Variants in RBFOX1 observed in about 807,000 individuals in gnomAD.
The protein encoded by RBFOX1 is RNA binding protein fox-1 homolog 1.
RBFOX1 carries 8 observed loss-of-function variants against 57.7 expected under a neutral mutation model. That is an observed-to-expected ratio of 0.14 (90% CI 0.08 to 0.25). The LOEUF is 0.25. Ranked by LOEUF, RBFOX1 falls within the 10% of genes least tolerant of loss-of-function variation. RBFOX1 has a pLI of 1.00. For synonymous variants in RBFOX1, 326 were observed against 222.4 expected (o/e 1.47, Z -4.15); for missense variants, 611 against 548.5 (o/e 1.11, Z -1.14).
chr16:7,257,445 TAGC>T (rs1446264050), intron 4 of RBFOX1, among the ~76,000 whole-genome samples: 7 of 152,082 alleles, frequency 4.6e-5, no homozygotes, highest in African/African-American at 1.2e-4. Flanking sequence ...CAAACTGAAA[TAGC>T]AGCCACTGGG....
At chr16:6,883,421 G>A (rs1363333227) in intron 3 of RBFOX1, among the ~76,000 whole-genome samples, 1 of 152,160 alleles carries the variant, frequency 6.6e-6, no homozygotes, top group Non-Finnish European at 1.5e-5. Context: ...CTTAATTAAT[G>A]TGTTGGTTCA....
intron 4 of RBFOX1, among the ~76,000 whole-genome samples, chr16:7,490,611 A>G (rs1217501485): frequency 6.6e-6 from 1 of 152,240 alleles, no homozygotes; most frequent in African/African-American, 2.4e-5. Flanking sequence ...AACTTGGGTT[A>G]GCAAATTCTA....
rs140101943 is a variant in RBFOX1 at position 6,510,044 on chromosome 16, C to G, written c.-63-144559C>G. ...GTGTCTGTTCCTGTGATTGAAGCAG[C>G]TTCATATCAGGCTCCTGTCTTCCTA... On this transcript the variant is annotated intron_variant, in intron 2 of 15. Transcript: ENST00000550418. Among the ~76,000 whole-genome samples, 33 of 152,274 alleles carry G rather than the reference C, an allele frequency of 2.2e-4. 1 individual carries two copies. The highest frequency in any genetic ancestry group is 4.4e-4 in the Non-Finnish European group (30 of 68,012).
intron 4 of RBFOX1, among the ~76,000 whole-genome samples, chr16:7,061,317 T>G (rs111720258): frequency 0.016 from 2,439 of 152,330 alleles, 47 homozygotes; most frequent in Non-Finnish European, 0.023. Context: ...AGAGCTTGTA[T>G]GTTCTCCAGT....
intron 1 of RBFOX1, among the ~76,000 whole-genome samples, chr16:5,394,535 GTCTTC>G (rs2066497010): frequency 6.8e-6 from 1 of 147,116 alleles, no homozygotes; most frequent in Non-Finnish European, 1.5e-5. Flanking sequence ...CTCTTGTCTT[GTCTTC>G]TCTTCTCTCT....
chr16:6,824,908 T>TC (rs1223870814), intron 3 of RBFOX1, among the ~76,000 whole-genome samples: 3 of 151,284 alleles, frequency 2.0e-5, no homozygotes, highest in African/African-American at 7.3e-5. Flanking sequence ...CCTGCCATCT[T>TC]CCCTAGAGGC....
chr16:7,287,404 C>G (rs908206298), intron 4 of RBFOX1, among the ~76,000 whole-genome samples: 1 of 152,108 alleles, frequency 6.6e-6, no homozygotes, highest in African/African-American at 2.4e-5. Flanking sequence ...CCAGGGTGCT[C>G]TCTTTCTCTT....
At chr16:6,414,216 G>A (rs1251667887) in intron 2 of RBFOX1, among the ~76,000 whole-genome samples, 3 of 152,166 alleles carry the variant, frequency 2.0e-5, no homozygotes, top group Non-Finnish European at 2.9e-5. Context: ...TTGGAAAGGT[G>A]GATGAAAGCA....
intron 2 of RBFOX1, among the ~76,000 whole-genome samples, chr16:6,645,657 G>C (rs2098528170): frequency 6.6e-6 from 1 of 152,138 alleles, no homozygotes; most frequent in Non-Finnish European, 1.5e-5. Context: ...GGCCTTGGAA[G>C]AGAAAACTTT....
At chr16:6,831,108 T>C (rs2092678817) in intron 3 of RBFOX1, among the ~76,000 whole-genome samples, 4 of 152,222 alleles carry the variant, frequency 2.6e-5, no homozygotes, top group Non-Finnish European at 5.9e-5. Flanking sequence ...TTCATACTAC[T>C]CCATTATCAC....
chr16:5,767,209 A>C (rs2053813467), intron 3 of RBFOX1, among the ~76,000 whole-genome samples: 1 of 152,228 alleles, frequency 6.6e-6, no homozygotes, highest in South Asian at 2.1e-4. Flanking sequence ...GAAGTAATAA[A>C]GAATCTACAA....
chr16:6,663,487 C>G (rs189524883), intron 3 of RBFOX1, among the ~76,000 whole-genome samples: 22 of 152,186 alleles, frequency 1.4e-4, no homozygotes, highest in Non-Finnish European at 2.9e-4. Context: ...GATAGCAGAA[C>G]AAAGACATGG....
At chr16:7,702,904 A>T (rs140059764) in intron 14 of RBFOX1, among the ~76,000 whole-genome samples, 179 of 152,324 alleles carry the variant, frequency 1.2e-3, no homozygotes, top group Non-Finnish European at 1.6e-3. Context: ...AATAGGATGA[A>T]TATCTGAGTG....
chr16:5,875,513 C>T (rs2151909598), intron 4 of RBFOX1, among the ~76,000 whole-genome samples: 1 of 152,306 alleles, frequency 6.6e-6, no homozygotes, highest in East Asian at 1.9e-4. Context: ...GAAAGGCATA[C>T]TGTAGCTTAC....
At chr16:5,988,365 A>T (rs969721844) in intron 4 of RBFOX1, among the ~76,000 whole-genome samples, 1 of 152,196 alleles carries the variant, frequency 6.6e-6, no homozygotes, top group South Asian at 2.1e-4. Flanking sequence ...TCCTAATTCA[A>T]AGTGATTACT....
intron 3 of RBFOX1, among the ~76,000 whole-genome samples, chr16:6,928,119 T>C (rs553501726): frequency 6.6e-6 from 1 of 152,252 alleles, no homozygotes; most frequent in African/African-American, 2.4e-5. Flanking sequence ...CTTCGGCAGA[T>C]GGCACAATTC....
At chr16:6,363,227 T>C (rs529708253) in intron 2 of RBFOX1, among the ~76,000 whole-genome samples, 1 of 152,312 alleles carries the variant, frequency 6.6e-6, no homozygotes, top group South Asian at 2.1e-4. Flanking sequence ...TTTTTTTCTA[T>C]AATGTGGCCT....
chr16:6,524,606 T>C (rs1377606900), intron 2 of RBFOX1, among the ~76,000 whole-genome samples: 1 of 152,162 alleles, frequency 6.6e-6, no homozygotes, highest in Non-Finnish European at 1.5e-5. Context: ...GAGGATTGTG[T>C]TTGTGTTCTG....
At chr16:6,126,107 T>A (rs969629322) in intron 1 of RBFOX1, among the ~76,000 whole-genome samples, 4 of 152,250 alleles carry the variant, frequency 2.6e-5, no homozygotes, top group African/African-American at 9.6e-5. Flanking sequence ...TGGTGTTTAC[T>A]TGCATTTTCG....
Sources: gnomAD v4.1 joint callset for allele counts (sites outside exome capture counted in the v4.1 genomes callset) on GRCh38, gnomAD v4.1.1 for gene constraint, MANE v1.5 for transcripts, NCBI Gene and HGNC (gene_info 2026-07-23, HGNC 2026-07-21) for gene names.